The following TRPC4 variants were observed in gnomAD, a reference collection of about 807,000 sequenced individuals.
The protein encoded by TRPC4 is short transient receptor potential channel 4.
In TRPC4, 49 loss-of-function variants were observed where a neutral mutation model predicts 99.4. The observed-to-expected ratio is 0.49, with a 90% CI of 0.39 to 0.63. The LOEUF is 0.63. TRPC4 is among the 20% of genes least tolerant of loss of function. The pLI, the probability that TRPC4 is intolerant of heterozygous loss-of-function variation, is 0.00. For missense variants in TRPC4, 898 were observed against 1,152.9 expected, an observed-to-expected ratio of 0.78 and a Z score of 3.20; for synonymous variants, 454 against 425.9, an observed-to-expected ratio of 1.07 and a Z score of -0.81.
chr13:37,696,361 A>G (rs1272234133), intron 3 of TRPC4, among the ~76,000 whole-genome samples: 4 of 152,222 alleles, frequency 2.6e-5, no homozygotes, highest in Non-Finnish European at 4.4e-5. Flanking sequence ...GAACTAAAAC[A>G]TTAATTGTAC....
At chr13:37,649,726 C>A (rs1262882856) in intron 8 of TRPC4, among the ~76,000 whole-genome samples, 1 of 78,812 alleles carries the variant, frequency 1.3e-5, no homozygotes, top group African/African-American at 5.4e-5. Context: ...AGCGAGACTC[C>A]GTCTCAAAAA....
intron 1 of TRPC4, among the ~76,000 whole-genome samples, chr13:37,834,288 A>G (rs1958501308): frequency 6.6e-6 from 1 of 152,226 alleles, no homozygotes; most frequent in Non-Finnish European, 1.5e-5. Context: ...ATTGTTTCCT[A>G]ACCTAAATTA....
chr13:37,844,336 C>T (rs1390612321), intron 1 of TRPC4, among the ~76,000 whole-genome samples: 1 of 151,824 alleles, frequency 6.6e-6, no homozygotes, highest in Non-Finnish European at 1.5e-5. Flanking sequence ...CTCTTGTTGC[C>T]CAGGCTGGAG....
At chr13:37,832,367 C>G (rs1183480330) in intron 1 of TRPC4, among the ~76,000 whole-genome samples, 5 of 151,984 alleles carry the variant, frequency 3.3e-5, no homozygotes, top group Admixed American at 6.6e-5. Context: ...CATGGTGAAA[C>G]CCTGACTCTA....
Position 37,636,691 on chromosome 13 carries a change from TA to T in TRPC4, c.*211del. The T allele has an allele frequency of 2.0e-6, 1 of 493,654 alleles. No individual in the cohort carries two copies. The highest frequency in any genetic ancestry group is 3.4e-6 in the Non-Finnish European group (1 of 297,492). 30.6% of individuals were successfully genotyped at this position (493,654 alleles called of 1,614,324 possible). A position where few individuals can be genotyped will look rare whatever the true frequency, so the allele number is the denominator to read the frequency against. ...ATTTATTTATTAACAAAAACAATTG[TA>T]AGACAAATTGTGAAAGCAAAAGCAG... On this transcript the variant is annotated 3_prime_UTR_variant, in exon 11 of 11. Transcript: ENST00000379705.
At chr13:37,864,224 G>A (rs1291993897) in intron 1 of TRPC4, among the ~76,000 whole-genome samples, 1 of 151,532 alleles carries the variant, frequency 6.6e-6, no homozygotes, top group Non-Finnish European at 1.5e-5. Flanking sequence ...AAGCATTCCT[G>A]AGAAACACTT....
chr13:37,675,983 G>GGA (rs1953030669), intron 4 of TRPC4, among the ~76,000 whole-genome samples: 1 of 152,116 alleles, frequency 6.6e-6, no homozygotes, highest in Non-Finnish European at 1.5e-5. Context: ...ACCCTAAGCT[G>GGA]TGGCATATGA....
At chr13:37,824,310 T>C (rs1003169178) in intron 1 of TRPC4, among the ~76,000 whole-genome samples, 3 of 146,416 alleles carry the variant, frequency 2.0e-5, no homozygotes, top group Admixed American at 1.4e-4. Context: ...CAACACTATG[T>C]TGAATAGGAG....
chr13:37,821,977 A>G (rs1958025117), intron 1 of TRPC4, among the ~76,000 whole-genome samples: 1 of 152,204 alleles, frequency 6.6e-6, no homozygotes, highest in Non-Finnish European at 1.5e-5. Flanking sequence ...TAATTAAACC[A>G]AAGAACTTCA....
intron 4 of TRPC4, among the ~76,000 whole-genome samples, chr13:37,682,134 G>A (rs1470619290): frequency 1.3e-5 from 2 of 152,016 alleles, no homozygotes; most frequent in African/African-American, 2.4e-5. Context: ...CTTACTGTCC[G>A]TACTTACACC....
intron 2 of TRPC4, among the ~76,000 whole-genome samples, chr13:37,775,940 T>A (rs1177612378): frequency 6.6e-6 from 1 of 151,842 alleles, no homozygotes; most frequent in Non-Finnish European, 1.5e-5. Flanking sequence ...TACCTATAAT[T>A]TGCTGGTCTT....
At chr13:37,755,900 G>T (rs1380564760) in intron 2 of TRPC4, among the ~76,000 whole-genome samples, 3 of 151,944 alleles carry the variant, frequency 2.0e-5, no homozygotes, top group African/African-American at 7.2e-5. Flanking sequence ...CAATAAAAAT[G>T]TGCTAAGTTC....
intron 8 of TRPC4, among the ~76,000 whole-genome samples, chr13:37,646,379 TG>T: frequency 6.6e-6 from 1 of 152,296 alleles, no homozygotes; most frequent in South Asian, 2.1e-4. Context: ...TGGTTCGGTA[TG>T]GTAACATATA....
At chr13:37,677,944 C>A (rs934014643) in intron 4 of TRPC4, among the ~76,000 whole-genome samples, 5 of 152,174 alleles carry the variant, frequency 3.3e-5, no homozygotes, top group African/African-American at 9.6e-5. Flanking sequence ...GACTACAACA[C>A]AAATAAACAA....
At chr13:37,697,615 G>C (rs558622769) in intron 3 of TRPC4, among the ~76,000 whole-genome samples, 7 of 152,290 alleles carry the variant, frequency 4.6e-5, no homozygotes, top group Admixed American at 2.6e-4. Flanking sequence ...GGATATGTAT[G>C]AAAATGTTTG....
chr13:37,738,805 A>G (rs1283654380), intron 3 of TRPC4, among the ~76,000 whole-genome samples: 1 of 152,204 alleles, frequency 6.6e-6, no homozygotes, highest in Non-Finnish European at 1.5e-5. Context: ...TAAGAAAGGT[A>G]AAACTGAAAA....
chr13:37,800,627 T>C (rs1957376456), intron 1 of TRPC4, among the ~76,000 whole-genome samples: 1 of 152,090 alleles, frequency 6.6e-6, no homozygotes, highest in African/African-American at 2.4e-5. Flanking sequence ...ATGTAATATA[T>C]AGGTATATGT....
At chr13:37,712,712 A>G (rs2138992663) in intron 3 of TRPC4, among the ~76,000 whole-genome samples, 1 of 152,268 alleles carries the variant, frequency 6.6e-6, no homozygotes, top group East Asian at 1.9e-4. Context: ...CTGCCAAAGG[A>G]GCTTTGTAAA....
chr13:37,830,713 A>T (rs956938353), intron 1 of TRPC4, among the ~76,000 whole-genome samples: 222 of 143,970 alleles, frequency 1.5e-3, no homozygotes, highest in Non-Finnish European at 2.5e-3. Flanking sequence ...ATTCCGTTTT[A>T]AAAAAAAAAA....
Sources: gnomAD v4.1 joint callset for allele counts (sites outside exome capture counted in the v4.1 genomes callset) on GRCh38, gnomAD v4.1.1 for gene constraint, MANE v1.5 for transcripts, NCBI Gene and HGNC (gene_info 2026-07-23, HGNC 2026-07-21) for gene names.